The following PTPRM variants were observed in gnomAD, a reference collection of about 807,000 sequenced individuals.
PTPRM encodes receptor-type tyrosine-protein phosphatase mu.
PTPRM carries 47 observed loss-of-function variants against 186.7 expected under a neutral mutation model. That is an observed-to-expected ratio of 0.25 (90% CI 0.20 to 0.32). PTPRM has a LOEUF of 0.32. Among genes scored for constraint, PTPRM ranks in the 10% least tolerant of loss-of-function variants. PTPRM has a pLI of 1.00. For missense variants in PTPRM, 1,494 were observed against 1,865.0 expected (o/e 0.80, Z 3.66); for synonymous variants, 668 against 674.9 (o/e 0.99, Z 0.16).
intron 1 of PTPRM, among the ~76,000 whole-genome samples, chr18:7,687,908 GC>G (rs1181908281): frequency 1.3e-5 from 2 of 151,562 alleles, no homozygotes; most frequent in African/African-American, 4.9e-5. Flanking sequence ...CTCCCGAATA[GC>G]CAGGACTACA....
chr18:7,927,432 GT>G (rs2051237185), intron 5 of PTPRM, among the ~76,000 whole-genome samples: 1 of 149,452 alleles, frequency 6.7e-6, no homozygotes, highest in Admixed American at 6.7e-5. Context: ...CTTGAGTGGT[GT>G]TGATTTTTTG....
At chr18:7,601,573 C>T (rs191565538) in intron 1 of PTPRM, among the ~76,000 whole-genome samples, 82 of 152,326 alleles carry the variant, frequency 5.4e-4, no homozygotes, top group Middle Eastern at 3.4e-3. Context: ...TCTCTGCCTC[C>T]GTCTTCACAT....
chr18:7,657,471 T>A (rs1418712075), intron 1 of PTPRM, among the ~76,000 whole-genome samples: 1 of 152,256 alleles, frequency 6.6e-6, no homozygotes, highest in Non-Finnish European at 1.5e-5. Context: ...CTTCCCACTC[T>A]TGACATTTTC....
At chr18:7,883,312 A>G (rs1378383295) in intron 2 of PTPRM, among the ~76,000 whole-genome samples, 5 of 152,226 alleles carry the variant, frequency 3.3e-5, no homozygotes, top group Non-Finnish European at 2.9e-5. Flanking sequence ...CGCAGTCAAA[A>G]CATTTAAGTA....
rs139220495 is a variant in PTPRM at position 7,638,512 on chromosome 18, T to C, written c.73+70621T>C. On this transcript the variant is annotated intron_variant, in intron 1 of 32. Transcript: ENST00000580170. ...TTTCTTAGACATATTTATCTAATGA[T>C]GTGTGTTTGAAAGCATCCACATTTT... Among the ~76,000 whole-genome samples, 96 of 152,326 alleles carry C rather than the reference T, an allele frequency of 6.3e-4. 1 individual carries two copies. In the East Asian group the frequency reaches 0.014, roughly 23 times the overall value.
chr18:8,337,862 G>A lies in PTPRM; in HGVS notation c.2957-5561G>A, dbSNP rs192281783. Among the ~76,000 whole-genome samples the A allele has an allele frequency of 4.7e-4, 72 of 152,310 alleles. 1 individual carries two copies. The highest frequency in any genetic ancestry group is 3.4e-3 in the Middle Eastern group (1 of 294). Reference sequence around the variant, plus strand: ...GTCCAGGCACAGACTGTGTGGGACCGCATTTGCCTTATTAAAGAATTTAGG... The same window carrying A: ...GTCCAGGCACAGACTGTGTGGGACCACATTTGCCTTATTAAAGAATTTAGG... On this transcript the variant is annotated intron_variant, in intron 22 of 32. Coordinates refer to ENST00000580170, the MANE Select transcript of PTPRM (RefSeq NM_001105244.2).
chr18:8,065,887 T>A (rs2089031476), intron 7 of PTPRM, among the ~76,000 whole-genome samples: 1 of 152,198 alleles, frequency 6.6e-6, no homozygotes, highest in African/African-American at 2.4e-5. Context: ...TACACATTTC[T>A]GGTTATGAAG....
intron 1 of PTPRM, among the ~76,000 whole-genome samples, chr18:7,759,133 G>A (rs2041649692): frequency 6.6e-6 from 1 of 152,164 alleles, no homozygotes; most frequent in African/African-American, 2.4e-5. Context: ...GCCTCCTCTA[G>A]GCAAATTTCT....
At chr18:8,051,210 C>T (rs907778163) in intron 7 of PTPRM, among the ~76,000 whole-genome samples, 4 of 152,080 alleles carry the variant, frequency 2.6e-5, no homozygotes, top group African/African-American at 9.7e-5. Context: ...CTCAGAAGAA[C>T]CAAGATATAC....
At chr18:7,810,025 G>A (rs570499321) in intron 2 of PTPRM, among the ~76,000 whole-genome samples, 9 of 152,346 alleles carry the variant, frequency 5.9e-5, no homozygotes, top group African/African-American at 2.2e-4. Context: ...GACTTGGTGA[G>A]TTTGGAATAA....
chr18:8,300,474 T>C (rs548489843), intron 20 of PTPRM, among the ~76,000 whole-genome samples: 1 of 151,472 alleles, frequency 6.6e-6, no homozygotes, highest in Non-Finnish European at 1.5e-5. Flanking sequence ...GTGTTACTCA[T>C]CTTGAGTTTA....
At chr18:7,748,623 T>G (rs796659705) in intron 1 of PTPRM, among the ~76,000 whole-genome samples, 36 of 152,348 alleles carry the variant, frequency 2.4e-4, no homozygotes, top group African/African-American at 8.7e-4. Flanking sequence ...TGATACCTTA[T>G]TTAACCCACT....
intron 1 of PTPRM, among the ~76,000 whole-genome samples, chr18:7,616,224 A>G (rs1255374863): frequency 2.0e-5 from 3 of 152,106 alleles, no homozygotes; most frequent in Admixed American, 1.3e-4. Flanking sequence ...TGGTGCCATC[A>G]CTGCTCACTG....
chr18:8,305,212 T>C (rs1414324657), intron 20 of PTPRM, among the ~76,000 whole-genome samples: 1 of 152,202 alleles, frequency 6.6e-6, no homozygotes, highest in African/African-American at 2.4e-5. Context: ...CTCCTGTTTA[T>C]ATCATTGAAT....
chr18:7,795,544 CTTTG>C (rs1293157539), intron 2 of PTPRM, among the ~76,000 whole-genome samples: 4 of 150,644 alleles, frequency 2.7e-5, no homozygotes, highest in African/African-American at 9.7e-5. Flanking sequence ...TTTGTTATGT[CTTTG>C]TTTGTGAGAG....
At chr18:8,355,761 G>A (rs1012381090) in intron 23 of PTPRM, among the ~76,000 whole-genome samples, 1 of 152,194 alleles carries the variant, frequency 6.6e-6, no homozygotes, top group South Asian at 2.1e-4. Context: ...AAAGGGAAAA[G>A]AATATTATAA....
intron 14 of PTPRM, among the ~76,000 whole-genome samples, chr18:8,202,605 G>T (rs372594243): frequency 4.4e-4 from 66 of 149,546 alleles, no homozygotes; most frequent in African/African-American, 1.6e-3. Context: ...TTTTTTTAAT[G>T]GTAAGAAATT....
intron 13 of PTPRM, among the ~76,000 whole-genome samples, chr18:8,140,135 C>G (rs1156508131): frequency 6.6e-6 from 1 of 152,164 alleles, no homozygotes; most frequent in South Asian, 2.1e-4. Flanking sequence ...GAAAGCTTCC[C>G]GTTCACTCGG....
chr18:7,934,003 G>A (rs1016188), intron 5 of PTPRM, among the ~76,000 whole-genome samples: 69,831 of 152,098 alleles, frequency 0.46, 17,688 homozygotes, highest in African/African-American at 0.68. Flanking sequence ...ATTCTGTCAT[G>A]AAACTTCTGT....
Sources: allele counts gnomAD v4.1 joint callset (sites outside exome capture counted in the v4.1 genomes callset), GRCh38; gene constraint gnomAD v4.1.1; transcripts MANE v1.5; gene names NCBI Gene and HGNC (gene_info 2026-07-23, HGNC 2026-07-21).